SLC30A10: variants seen among roughly 807,000 people sequenced by gnomAD.
SLC30A10 encodes solute carrier family 30 member 10.
Under a neutral mutation model 21.7 loss-of-function variants are expected in SLC30A10, and 8 were observed. That is an observed-to-expected ratio of 0.37 (90% CI 0.22 to 0.67). SLC30A10 has a LOEUF of 0.67. Ranked by LOEUF, SLC30A10 falls within the 30% of genes least tolerant of loss-of-function variation. The pLI is 0.58. For synonymous variants in SLC30A10, 272 were observed against 279.4 expected, an observed-to-expected ratio of 0.97 and a Z score of 0.26; for missense variants, 521 against 642.5, an observed-to-expected ratio of 0.81 and a Z score of 2.04.
chr1:219,926,155 C>T (rs567476875), intron 2 of SLC30A10, among the ~76,000 whole-genome samples: 1 of 152,162 alleles, frequency 6.6e-6, no homozygotes, highest in Non-Finnish European at 1.5e-5. Context: ...TCTGGATTTT[C>T]CCTATAGGTT....
intron 2 of SLC30A10, among the ~76,000 whole-genome samples, chr1:219,924,394 C>T (rs1450997223): frequency 2.0e-5 from 3 of 152,170 alleles, no homozygotes; most frequent in South Asian, 2.1e-4. Context: ...TTGGGGAAGT[C>T]GTCAAACTCT....
intron 2 of SLC30A10, among the ~76,000 whole-genome samples, chr1:219,922,176 G>GTTTTTTTTTTT (rs869249213): frequency 7.7e-4 from 28 of 36,438 alleles, no homozygotes; most frequent in Non-Finnish European, 1.1e-3. Flanking sequence ...GTGTGTGTGT[G>GTTTTTTTTTTT]TTTTTTTTTT....
At chr1:219,941,714 CTCTCCCCT>C (rs965267570) in intron 1 of SLC30A10, among the ~76,000 whole-genome samples, 5 of 151,530 alleles carry the variant, frequency 3.3e-5, no homozygotes, top group African/African-American at 7.3e-5. Flanking sequence ...CTCTCTCCCC[CTCTCCCCT>C]TCTCCCTCTC....
chr1:219,934,789 C>T (rs1227863516), intron 1 of SLC30A10, among the ~76,000 whole-genome samples: 1 of 152,088 alleles, frequency 6.6e-6, no homozygotes, highest in Non-Finnish European at 1.5e-5. Flanking sequence ...AGCAAAGAGG[C>T]CAACTGTGGT....
At chr1:219,938,065 C>T (rs543516538) in intron 1 of SLC30A10, among the ~76,000 whole-genome samples, 22 of 152,102 alleles carry the variant, frequency 1.4e-4, no homozygotes, top group South Asian at 4.2e-4. Context: ...TTGCTGGTTC[C>T]TTTTTTAACT....
intron 1 of SLC30A10, among the ~76,000 whole-genome samples, chr1:219,937,106 T>C (rs916034284): frequency 6.6e-6 from 1 of 152,212 alleles, no homozygotes; most frequent in Non-Finnish European, 1.5e-5. Flanking sequence ...GAGCAAAACT[T>C]AGATTAGATG....
At chr1:219,934,600 G>A (rs1173683412) in intron 1 of SLC30A10, among the ~76,000 whole-genome samples, 1 of 152,172 alleles carries the variant, frequency 6.6e-6, no homozygotes, top group African/African-American at 2.4e-5. Context: ...CCAGGATGAT[G>A]CCTTTTTTTC....
chr1:219,928,973 T>C (rs954243827), upstream of SLC30A10, among the ~76,000 whole-genome samples: 2 of 152,220 alleles, frequency 1.3e-5, no homozygotes, highest in African/African-American at 2.4e-5. The surrounding 1 kb of genome is among the most constrained non-coding windows in gnomAD (Gnocchi z 6.3). Context: ...TACGTGCCCA[T>C]AGGCACCTTG....
intron 3 of SLC30A10, 79 bp from the exon 4 acceptor site, chr1:219,916,027 G>C (rs1034874724): frequency 7.9e-6 from 12 of 1,515,392 alleles, no homozygotes; most frequent in Non-Finnish European, 1.1e-5. Context: ...ATATGGTTCC[G>C]TTAAGCATTC....
At chr1:219,957,847 C>G (rs562203910) in intron 1 of SLC30A10, among the ~76,000 whole-genome samples, 5 of 152,192 alleles carry the variant, frequency 3.3e-5, no homozygotes, top group Middle Eastern at 3.4e-3. Flanking sequence ...ATATATTGTT[C>G]TCTTCCAAGA....
In SLC30A10 at chr1:219,928,435, G is replaced by T; in HGVS notation, c.6C>A (p.Gly2=). ...GCCGGCACGTCTTGCCAGAGTAGCG[G>T]CCCATCTCGCCACCAGCCCCGGGCG... M[G]RYSGKTCRLL... is the part of the protein sequence containing the mutation. The change falls in exon 1 of 4, where the codon GGC becomes GGA. Residue 2 remains glycine (G), a synonymous_variant. Coordinates refer to ENST00000366926, the MANE Select transcript of SLC30A10 (RefSeq NM_018713.3). This position sits in a 1 kb window ranked among gnomAD's most constrained non-coding sequence, Gnocchi z 6.3. 1 of 1,607,148 alleles carries T rather than the reference G, an allele frequency of 6.2e-7. No individual in the cohort carries two copies. The highest frequency in any genetic ancestry group is 1.3e-5 in the African/African-American group (1 of 74,688).
intron 1 of SLC30A10, among the ~76,000 whole-genome samples, chr1:219,954,680 CAAAAAAAAA>C (rs11325622): frequency 9.0e-5 from 8 of 89,152 alleles, no homozygotes; most frequent in Admixed American, 1.6e-4. Flanking sequence ...GACTCCATCT[CAAAAAAAAA>C]AAAAAAAAAA....
rs954308330 is a variant in SLC30A10, at chr1:219,920,061, A to G, written c.719-1567T>C. ...ATAGGTAAAATGGCATGTGAACACT[A>G]AATGTAATTTGAGGCAGTTGCCTCA... On this transcript the variant is annotated intron_variant, in intron 2 of 3. Coordinates refer to ENST00000366926, the MANE Select transcript of SLC30A10 (RefSeq NM_018713.3). Among the ~76,000 whole-genome samples the G allele has an allele frequency of 2.0e-5, 3 of 152,152 alleles. No homozygotes were observed. The South Asian group carries it at 6.2e-4, about 32-fold the overall frequency.
At chr1:219,917,630 A>G (rs1337835791) in intron 3 of SLC30A10, among the ~76,000 whole-genome samples, 1 of 152,160 alleles carries the variant, frequency 6.6e-6, no homozygotes, top group Non-Finnish European at 1.5e-5. Context: ...TTGAATTAAA[A>G]TAAATCTTTG....
upstream of SLC30A10, among the ~76,000 whole-genome samples, chr1:219,929,131 A>T (rs1416179749): frequency 6.6e-6 from 1 of 152,218 alleles, no homozygotes; most frequent in East Asian, 1.9e-4. Flanking sequence ...TAACCCCAGG[A>T]TAAAGCTATT....
chr1:219,916,162 G>C (rs1329922158), intron 3 of SLC30A10, among the ~76,000 whole-genome samples: 1 of 152,138 alleles, frequency 6.6e-6, no homozygotes, highest in East Asian at 1.9e-4. Flanking sequence ...ATTTAAGAAA[G>C]TAAGTCTAAC....
chr1:219,934,389 G>C (rs1660018886), intron 1 of SLC30A10, among the ~76,000 whole-genome samples: 2 of 152,150 alleles, frequency 1.3e-5, no homozygotes, highest in Admixed American at 6.5e-5. Context: ...CTTGAACCTG[G>C]GAGGCGGAGG....
In SLC30A10 at chr1:219,915,445, C is replaced by A. The variant is rs763792335; in HGVS notation, c.*4G>T. On this transcript the variant is annotated 3_prime_UTR_variant, in exon 4 of 4. Coordinates refer to ENST00000366926, the MANE Select transcript of SLC30A10 (RefSeq NM_018713.3). Reference sequence around the variant, plus strand: ...CTATATGGTCTGATTATGTGAGTACCAGATTAAAAATGCGTTCTGTTGACA... The same window carrying A: ...CTATATGGTCTGATTATGTGAGTACAAGATTAAAAATGCGTTCTGTTGACA... 4 of 1,611,218 alleles carry A rather than the reference C, an allele frequency of 2.5e-6. No homozygotes were observed. In the Admixed American group the frequency reaches 5.0e-5, roughly 20 times the overall value.
rs1659449764 is a variant in SLC30A10 at position 219,912,951 on chromosome 1, G to A, written c.*2498C>T. ...CAGGAGCACCAAACTGAGTGCCAGT[G>A]TTTTTCTAATCTTAAAGGAAAACAG... On this transcript the variant is annotated 3_prime_UTR_variant, in exon 4 of 4. Coordinates refer to ENST00000366926, the MANE Select transcript of SLC30A10 (RefSeq NM_018713.3). Among the ~76,000 whole-genome samples, 1 of 152,166 alleles carries A rather than the reference G, an allele frequency of 6.6e-6. No homozygotes were observed. The highest frequency in any genetic ancestry group is 2.4e-5 in the African/African-American group (1 of 41,432).
Sources: gnomAD v4.1 joint callset for allele counts (sites outside exome capture counted in the v4.1 genomes callset) on GRCh38, gnomAD v4.1.1 for gene constraint, Gnocchi (gnomAD v3.1) non-coding constraint, MANE v1.5 for transcripts, NCBI Gene and HGNC (gene_info 2026-07-23, HGNC 2026-07-21) for gene names.